The following TBC1D9 variants were observed in gnomAD, a reference collection of about 807,000 sequenced individuals.
The protein encoded by TBC1D9 is TBC1 domain family member 9A.
In TBC1D9, 63 loss-of-function variants were observed where a neutral mutation model predicts 132.0. That is an observed-to-expected ratio of 0.48 (90% CI 0.39 to 0.59). TBC1D9 has a LOEUF of 0.59. Among genes scored for constraint, TBC1D9 ranks in the 20% least tolerant of loss-of-function variants. The pLI is 0.00. For missense variants in TBC1D9, 1,261 were observed against 1,592.7 expected (o/e 0.79, Z 3.54); for synonymous variants, 610 against 609.9 (o/e 1.00, Z 0.00).
intron 1 of TBC1D9, among the ~76,000 whole-genome samples, chr4:140,710,587 G>A (rs1738227915): frequency 6.6e-6 from 1 of 152,140 alleles, no homozygotes; most frequent in Non-Finnish European, 1.5e-5. Context: ...CAATTAGTAT[G>A]TGCTGCTCAA....
At chr4:140,746,928 A>T (rs951341344) in intron 1 of TBC1D9, among the ~76,000 whole-genome samples, 8 of 152,204 alleles carry the variant, frequency 5.3e-5, no homozygotes, top group Admixed American at 6.5e-5. Context: ...GCACTTTGGG[A>T]GGCAGAGGCA....
chr4:140,657,839 C>T (rs370511884), intron 11 of TBC1D9, 27 bp from the exon 12 acceptor site: 102 of 1,591,342 alleles, frequency 6.4e-5, no homozygotes, highest in Middle Eastern at 1.9e-4. Context: ...TACAAAAAGG[C>T]GCAGCTTAGC....
chr4:140,627,671 T>C, intron 17 of TBC1D9, 144 bp from the exon 18 acceptor site: 1 of 598,490 alleles, frequency 1.7e-6, no homozygotes, highest in Non-Finnish European at 3.0e-6. Flanking sequence ...GCCTACTGTC[T>C]CTAAACCTTA....
intron 1 of TBC1D9, among the ~76,000 whole-genome samples, chr4:140,753,730 T>G (rs900776615): frequency 3.3e-5 from 5 of 152,232 alleles, no homozygotes; most frequent in Non-Finnish European, 7.3e-5. Flanking sequence ...ATGTGATTAT[T>G]TCATCAATAC....
intron 13 of TBC1D9, among the ~76,000 whole-genome samples, chr4:140,647,112 G>A (rs1362275619): frequency 6.6e-6 from 1 of 152,236 alleles, no homozygotes; most frequent in African/African-American, 2.4e-5. Context: ...TAGGATGCCT[G>A]TGATCAATAA....
intron 1 of TBC1D9, among the ~76,000 whole-genome samples, chr4:140,744,721 TA>T (rs1299156451): frequency 2.6e-5 from 4 of 151,740 alleles, no homozygotes; most frequent in African/African-American, 4.8e-5. Context: ...CCGTCCCTAC[TA>T]AAAATACAAA....
Position 140,624,152 on chromosome 4 carries a change from C to G in TBC1D9, c.3042G>C (p.Lys1014Asn). 6.2e-7 allele frequency: 1 copy of G among 1,611,208 alleles called. No homozygotes were observed. The highest frequency in any genetic ancestry group is 8.5e-7 in the Non-Finnish European group (1 of 1,178,406). The stretch of plus-strand genomic sequence containing the variant: ...TGGGTAAATCCTTTGCATTCTTTGA[C>G]TTAGATTTATTTTCTGGAGTCCACA... ...LRLWTPENKS[K>N]SKNAKDLPKL... is the part of the protein sequence containing the mutation. Residue 1014 changes from lysine (K) to asparagine (N), a missense_variant, in exon 20 of 21, where the codon AAG (lysine) becomes AAC (asparagine). This residue lies in a region of TBC1D9 where 618 missense variants were observed against 724.4 expected (regional missense o/e 0.85). Transcript: ENST00000442267.
chr4:140,663,081 C>G (rs374484516), intron 9 of TBC1D9, among the ~76,000 whole-genome samples: 81 of 152,210 alleles, frequency 5.3e-4, no homozygotes, highest in African/African-American at 1.8e-3. Flanking sequence ...CTAAAAAGCT[C>G]TGCACAGCAA....
intron 1 of TBC1D9, among the ~76,000 whole-genome samples, chr4:140,728,694 G>T (rs1237096112): frequency 1.3e-5 from 2 of 151,168 alleles, no homozygotes; most frequent in African/African-American, 2.4e-5. Flanking sequence ...AAGGAGACTG[G>T]CTCTGTCGCC....
intron 3 of TBC1D9, among the ~76,000 whole-genome samples, chr4:140,683,176 C>A (rs1220745966): frequency 6.6e-6 from 1 of 152,116 alleles, no homozygotes; most frequent in Non-Finnish European, 1.5e-5. Flanking sequence ...CCGCACCTGG[C>A]CTGCTCATTG....
intron 3 of TBC1D9, among the ~76,000 whole-genome samples, chr4:140,685,100 T>C (rs1737759848): frequency 6.6e-6 from 1 of 152,152 alleles, no homozygotes; most frequent in African/African-American, 2.4e-5. Flanking sequence ...TTTTATAAAA[T>C]CACCATCTTG....
At chr4:140,640,864 C>A (rs956642105) in intron 13 of TBC1D9, among the ~76,000 whole-genome samples, 1 of 138,124 alleles carries the variant, frequency 7.2e-6, no homozygotes, top group African/African-American at 3.4e-5. Flanking sequence ...AGTATATAAC[C>A]CCCCCAAGAA....
At chr4:140,666,079 GAACA>G (rs1347753309) in intron 9 of TBC1D9, among the ~76,000 whole-genome samples, 1 of 152,062 alleles carries the variant, frequency 6.6e-6, no homozygotes, top group East Asian at 1.9e-4. Context: ...AAAAACGAAT[GAACA>G]GAGTATAGTA....
At chr4:140,703,888 TTACTAC>T (rs1191222919) in intron 1 of TBC1D9, among the ~76,000 whole-genome samples, 1 of 152,198 alleles carries the variant, frequency 6.6e-6, no homozygotes, top group African/African-American at 2.4e-5. Context: ...TGACTTGGAT[TTACTAC>T]AGAGACCTCT....
intron 1 of TBC1D9, among the ~76,000 whole-genome samples, chr4:140,736,055 T>C (rs2111072887): frequency 6.6e-6 from 1 of 152,194 alleles, no homozygotes; most frequent in Middle Eastern, 3.4e-3. Flanking sequence ...TTCTGAAAAA[T>C]AATGATCCAC....
chr4:140,644,800 C>T (rs1349600544), intron 13 of TBC1D9: 9 of 406,052 alleles, frequency 2.2e-5, no homozygotes, highest in African/African-American at 4.2e-5. Flanking sequence ...CACGGTGGCC[C>T]GCTCCATCAG....
intron 6 of TBC1D9, among the ~76,000 whole-genome samples, chr4:140,675,507 C>T (rs983240176): frequency 6.6e-6 from 1 of 152,140 alleles, no homozygotes; most frequent in African/African-American, 2.4e-5. Context: ...ACATCCTAAC[C>T]TGGGGTCTTT....
chr4:140,642,489 C>T (rs2110980634), intron 13 of TBC1D9: 2 of 1,081,846 alleles, frequency 1.8e-6, no homozygotes, highest in South Asian at 1.3e-5. Context: ...TTGATTTCCC[C>T]CCAGCACTGT....
intron 13 of TBC1D9, chr4:140,643,060 G>T (rs897233536): frequency 7.9e-6 from 10 of 1,272,468 alleles, no homozygotes; most frequent in African/African-American, 1.5e-5. Context: ...TCCTTCTTGC[G>T]CATCCAGCTG....
Sources: gnomAD v4.1 joint callset for allele counts (sites outside exome capture counted in the v4.1 genomes callset) on GRCh38, gnomAD v4.1.1 for gene constraint, gnomAD v4.1.1 regional missense constraint, MANE v1.5 for transcripts, NCBI Gene and HGNC (gene_info 2026-07-23, HGNC 2026-07-21) for gene names.